EHBP1: variants seen among roughly 807,000 people sequenced by gnomAD.
EHBP1 encodes EH domain-binding protein 1.
A neutral mutation model predicts 144.0 loss-of-function variants in EHBP1; 55 were observed. The ratio of observed to expected loss-of-function variants is 0.38; its 90% CI spans 0.31 to 0.48. The LOEUF (loss-of-function observed/expected upper bound fraction) is 0.48. EHBP1 is among the 20% of genes least tolerant of loss of function. The pLI is 0.98. For synonymous variants in EHBP1, 469 were observed against 472.7 expected (o/e 0.99, Z 0.10); for missense variants, 1,200 against 1,364.2 (o/e 0.88, Z 1.90).
chr2:62,769,138 A>G (rs1474491272), intron 4 of EHBP1, among the ~76,000 whole-genome samples: 1 of 152,186 alleles, frequency 6.6e-6, no homozygotes, highest in Non-Finnish European at 1.5e-5. Flanking sequence ...TATTTAACTT[A>G]GTGTTGGAAG....
intron 5 of EHBP1, among the ~76,000 whole-genome samples, chr2:62,779,046 A>T (rs1573303959): frequency 6.6e-6 from 1 of 152,226 alleles, no homozygotes; most frequent in South Asian, 2.1e-4. Context: ...TGTCTAGTGC[A>T]TATGAGAATA....
chr2:62,804,297 T>G (rs995280871), intron 5 of EHBP1, among the ~76,000 whole-genome samples: 13 of 152,106 alleles, frequency 8.5e-5, no homozygotes, highest in African/African-American at 3.1e-4. Flanking sequence ...AAAAAAACCT[T>G]GACAAATTAC....
At chr2:62,912,627 A>G (rs1388979365) in intron 10 of EHBP1, among the ~76,000 whole-genome samples, 1 of 152,222 alleles carries the variant, frequency 6.6e-6, no homozygotes, top group African/African-American at 2.4e-5. Flanking sequence ...AGATACAACA[A>G]GTATAGTTGA....
chr2:62,907,462 G>T (rs984683735), intron 10 of EHBP1, among the ~76,000 whole-genome samples: 6 of 152,202 alleles, frequency 3.9e-5, no homozygotes, highest in Admixed American at 2.6e-4. Context: ...TTAAACAGCA[G>T]TCACAGTTTT....
At chr2:62,999,762 A>G (rs568361565) in intron 19 of EHBP1, among the ~76,000 whole-genome samples, 101 of 152,260 alleles carry the variant, frequency 6.6e-4, no homozygotes, top group African/African-American at 2.3e-3. Flanking sequence ...ACTTTTAGCT[A>G]CTATGAACAT....
chr2:62,822,930 T>C (rs2046087961), intron 5 of EHBP1, among the ~76,000 whole-genome samples: 1 of 152,164 alleles, frequency 6.6e-6, no homozygotes, highest in Non-Finnish European at 1.5e-5. Context: ...AGAATAGTTA[T>C]GAAAAATAAG....
chr2:62,739,726 T>A (rs2038509466), intron 2 of EHBP1, among the ~76,000 whole-genome samples: 1 of 152,062 alleles, frequency 6.6e-6, no homozygotes, highest in South Asian at 2.1e-4. Flanking sequence ...GAGGATCACT[T>A]GAAGCCTGGA....
At chr2:62,953,770 T>TA (rs146037845) in intron 13 of EHBP1, among the ~76,000 whole-genome samples, 14,150 of 151,208 alleles carry the variant, frequency 0.094, 855 homozygotes, top group Non-Finnish European at 0.14. Context: ...CCAGGAAAAT[T>TA]AAAAAAAAAC....
At chr2:62,827,857 C>T (rs766470493) in intron 6 of EHBP1, among the ~76,000 whole-genome samples, 5 of 151,996 alleles carry the variant, frequency 3.3e-5, no homozygotes, top group African/African-American at 9.7e-5. Flanking sequence ...TTGGTAGAGA[C>T]GGTGTTTCAC....
At chr2:62,827,325 T>G (rs923329263) in intron 6 of EHBP1, among the ~76,000 whole-genome samples, 1 of 152,170 alleles carries the variant, frequency 6.6e-6, no homozygotes, top group African/African-American at 2.4e-5. Flanking sequence ...ATTATAGACT[T>G]AAATACTGAG....
At chr2:63,031,265 A>G (rs1330347498) in intron 19 of EHBP1, among the ~76,000 whole-genome samples, 1 of 152,170 alleles carries the variant, frequency 6.6e-6, no homozygotes, top group Non-Finnish European at 1.5e-5. Context: ...CAGCCCAAAC[A>G]AAAAGGCCTT....
chr2:62,675,766 T>C (rs996899261), intron 1 of EHBP1, among the ~76,000 whole-genome samples: 3 of 152,150 alleles, frequency 2.0e-5, no homozygotes, highest in Admixed American at 2.0e-4. Flanking sequence ...CTGGTTATTA[T>C]TATTGTTGTT....
chr2:62,801,481 T>C (rs2152492557), intron 5 of EHBP1, among the ~76,000 whole-genome samples: 1 of 152,388 alleles, frequency 6.6e-6, no homozygotes, highest in Non-Finnish European at 1.5e-5. Context: ...AATACATCCC[T>C]TCTTTCAGGT....
chr2:62,935,745 G>A (rs541914692), intron 10 of EHBP1, among the ~76,000 whole-genome samples: 2 of 152,156 alleles, frequency 1.3e-5, no homozygotes, highest in South Asian at 2.1e-4. Flanking sequence ...GATGATAGAT[G>A]CTCAATCTCA....
At chr2:62,683,863 G>A (rs2033624290) in intron 1 of EHBP1, among the ~76,000 whole-genome samples, 1 of 152,104 alleles carries the variant, frequency 6.6e-6, no homozygotes, top group Non-Finnish European at 1.5e-5. Flanking sequence ...GGCAGCTGCA[G>A]GACCAGAGTT....
At chr2:62,981,875 A>T (rs2058988165) in intron 15 of EHBP1, among the ~76,000 whole-genome samples, 1 of 152,240 alleles carries the variant, frequency 6.6e-6, no homozygotes, top group African/African-American at 2.4e-5. Flanking sequence ...CAGGTTTCTT[A>T]TTCCTGAAGG....
intron 15 of EHBP1, among the ~76,000 whole-genome samples, chr2:62,987,457 G>A (rs1028376861): frequency 3.3e-5 from 5 of 152,022 alleles, no homozygotes; most frequent in African/African-American, 1.2e-4. Flanking sequence ...TTCATTAATA[G>A]CATAAAAGTA....
intron 14 of EHBP1, among the ~76,000 whole-genome samples, chr2:62,973,429 C>G (rs1317640035): frequency 6.6e-6 from 1 of 152,100 alleles, no homozygotes; most frequent in Non-Finnish European, 1.5e-5. Flanking sequence ...TAATTTGATA[C>G]TTTGGGAATC....
chr2:63,033,447 T>C (rs1050376961), intron 19 of EHBP1, among the ~76,000 whole-genome samples: 3 of 152,218 alleles, frequency 2.0e-5, no homozygotes, highest in Non-Finnish European at 4.4e-5. Flanking sequence ...TGTGTACTTG[T>C]ATAACAGCAG....
Sources: allele counts gnomAD v4.1 joint callset (sites outside exome capture counted in the v4.1 genomes callset), GRCh38; gene constraint gnomAD v4.1.1; transcripts MANE v1.5; gene names NCBI Gene and HGNC (gene_info 2026-07-23, HGNC 2026-07-21).